The following RIMS2 variants were observed in gnomAD, a reference collection of about 807,000 sequenced individuals.
RIMS2 encodes the protein regulating synaptic membrane exocytosis protein 2.
A neutral mutation model predicts 174.4 loss-of-function variants in RIMS2; 59 were observed. The observed-to-expected ratio is 0.34, with a 90% CI of 0.27 to 0.42. The LOEUF is 0.42. RIMS2 is among the 10% of genes least tolerant of loss of function. RIMS2 has a pLI of 1.00. For missense variants in RIMS2, 1,620 were observed against 1,666.3 expected (o/e 0.97, Z 0.48); for synonymous variants, 606 against 572.5 (o/e 1.06, Z -0.84).
intron 9 of RIMS2, chr8:103,921,047 A>AC (rs58101112): frequency 4.3e-5 from 9 of 209,542 alleles, no homozygotes; most frequent in South Asian, 2.0e-4. Flanking sequence ...AACAACAACA[A>AC]AAACAGGTCT....
chr8:103,589,320 A>G (rs1338630919), intron 1 of RIMS2, among the ~76,000 whole-genome samples: 2 of 94,240 alleles, frequency 2.1e-5, no homozygotes, highest in African/African-American at 8.4e-5. Flanking sequence ...AAAGAGGCAT[A>G]TGAAAAAGTG....
chr8:103,528,874 G>A (rs892488848), intron 1 of RIMS2, among the ~76,000 whole-genome samples: 24 of 152,248 alleles, frequency 1.6e-4, no homozygotes, highest in African/African-American at 5.1e-4. Flanking sequence ...TAGCAATGTG[G>A]GCTCTGTTTT....
At chr8:104,190,531 G>C (rs1393846041) in intron 19 of RIMS2, among the ~76,000 whole-genome samples, 2 of 151,794 alleles carry the variant, frequency 1.3e-5, no homozygotes, top group East Asian at 3.9e-4. Context: ...TCCTTTTTAG[G>C]CTTTGTCCTT....
intron 19 of RIMS2, among the ~76,000 whole-genome samples, chr8:104,195,514 CT>C (rs34923122): frequency 0.87 from 97,101 of 111,738 alleles, 42,029 homozygotes; most frequent in Middle Eastern, 0.94. Flanking sequence ...ATTTTATCTC[CT>C]TTTTTTTTTT....
intron 2 of RIMS2, among the ~76,000 whole-genome samples, chr8:103,719,367 G>A (rs975731679): frequency 1.3e-5 from 2 of 152,170 alleles, no homozygotes; most frequent in Admixed American, 6.5e-5. Context: ...GGAAACACTA[G>A]TAAGATATGC....
At chr8:104,143,765 A>G (rs1482386810) in intron 19 of RIMS2, among the ~76,000 whole-genome samples, 1 of 152,184 alleles carries the variant, frequency 6.6e-6, no homozygotes, top group Non-Finnish European at 1.5e-5. Context: ...TCCCTGTGCC[A>G]CAGTCCTAAT....
intron 1 of RIMS2, among the ~76,000 whole-genome samples, chr8:103,543,999 T>C (rs536495912): frequency 6.6e-6 from 1 of 152,278 alleles, no homozygotes; most frequent in African/African-American, 2.4e-5. Flanking sequence ...AAAAAGCTTC[T>C]GTACAGCAAA....
chr8:103,662,870 C>T (rs146878387), intron 1 of RIMS2, among the ~76,000 whole-genome samples: 209 of 152,182 alleles, frequency 1.4e-3, no homozygotes, highest in Non-Finnish European at 1.8e-3. Context: ...CTAGCGACTA[C>T]ATAAATTTTT....
At chr8:103,564,778 T>A (rs958327645) in intron 1 of RIMS2, among the ~76,000 whole-genome samples, 1 of 152,148 alleles carries the variant, frequency 6.6e-6, no homozygotes, top group African/African-American at 2.4e-5. Context: ...CCTCTCCCAG[T>A]CCACTGACTC....
At chr8:103,770,871 T>G (rs977361597) in intron 3 of RIMS2, among the ~76,000 whole-genome samples, 3 of 152,198 alleles carry the variant, frequency 2.0e-5, no homozygotes, top group African/African-American at 7.2e-5. Context: ...AGAAATATAA[T>G]TTCAGTTTGA....
At chr8:103,617,504 GAC>G (rs1213364300) in intron 1 of RIMS2, among the ~76,000 whole-genome samples, 4 of 152,048 alleles carry the variant, frequency 2.6e-5, no homozygotes, top group Non-Finnish European at 5.9e-5. Context: ...AGCAGAAATT[GAC>G]ATGTGATCTA....
chr8:103,639,662 G>A (rs1452418860), intron 1 of RIMS2, among the ~76,000 whole-genome samples: 2 of 151,806 alleles, frequency 1.3e-5, no homozygotes, highest in Admixed American at 6.6e-5. Context: ...CTCTTGTATG[G>A]ATTTAACCAT....
Position 103,581,818 on chromosome 8 carries a change from C to T in RIMS2, c.176+80756C>T, listed in dbSNP as rs554181354. Reference sequence around the variant, plus strand: ...CTCACCACCAAAGGCTGCATGTGCCCTGTCTCCAGGTAAACTTGAAAGGCA... The same window carrying T: ...CTCACCACCAAAGGCTGCATGTGCCTTGTCTCCAGGTAAACTTGAAAGGCA... On this transcript the variant is annotated intron_variant, in intron 1 of 23. Transcript: ENST00000504942. 6.6e-4 allele frequency among the ~76,000 whole-genome samples: 101 copies of T among 152,322 alleles called. No homozygotes were observed. In the Middle Eastern group the frequency reaches 0.01, roughly 15 times the overall value.
intron 3 of RIMS2, among the ~76,000 whole-genome samples, chr8:103,777,047 A>G (rs1347274589): frequency 6.6e-6 from 1 of 152,100 alleles, no homozygotes; most frequent in Admixed American, 6.6e-5. Flanking sequence ...TTCTCTACAA[A>G]AGCAAGGGAA....
At chr8:103,984,803 G>A (rs1270348758) in intron 16 of RIMS2, among the ~76,000 whole-genome samples, 1 of 152,180 alleles carries the variant, frequency 6.6e-6, no homozygotes, top group Non-Finnish European at 1.5e-5. Flanking sequence ...CAACCTACAT[G>A]TCCATAATGG....
chr8:103,591,024 T>C (rs1254321476), intron 1 of RIMS2, among the ~76,000 whole-genome samples: 1 of 150,826 alleles, frequency 6.6e-6, no homozygotes, highest in Non-Finnish European at 1.5e-5. Context: ...TTTATACCTT[T>C]TGGGAGTATT....
At chr8:103,920,825 TA>T (rs61400627) in intron 9 of RIMS2, 56,868 of 272,976 alleles carry the variant, frequency 0.21, 885 homozygotes, top group South Asian at 0.31. Flanking sequence ...CCGTCTCTAC[TA>T]AAAAAAAAAA....
At chr8:103,993,303 A>G (rs1445224202) in intron 17 of RIMS2, among the ~76,000 whole-genome samples, 1 of 152,190 alleles carries the variant, frequency 6.6e-6, no homozygotes, top group Non-Finnish European at 1.5e-5. Context: ...TTAGCATCAT[A>G]AGAATACAAT....
chr8:103,739,137 C>T (rs1231545183), intron 2 of RIMS2, among the ~76,000 whole-genome samples: 1 of 152,136 alleles, frequency 6.6e-6, no homozygotes, highest in Non-Finnish European at 1.5e-5. Flanking sequence ...CCCAAATGTC[C>T]ATCAATGATA....
Sources: allele counts gnomAD v4.1 joint callset (sites outside exome capture counted in the v4.1 genomes callset), GRCh38; gene constraint gnomAD v4.1.1; transcripts MANE v1.5; gene names NCBI Gene and HGNC (gene_info 2026-07-23, HGNC 2026-07-21).